SRPK1: variants seen among roughly 807,000 people sequenced by gnomAD.
SRPK1 encodes the protein SFRS protein kinase 1.
A neutral mutation model predicts 89.5 loss-of-function variants in SRPK1; 52 were observed. That is an observed-to-expected ratio of 0.58 (90% CI 0.46 to 0.73). SRPK1 has a LOEUF of 0.73. Ranked by LOEUF, SRPK1 falls within the 30% of genes least tolerant of loss-of-function variation. SRPK1 has a pLI of 0.00. For synonymous variants in SRPK1, 255 were observed against 270.2 expected (o/e 0.94, Z 0.55); for missense variants, 603 against 780.6 (o/e 0.77, Z 2.71).
At chr6:35,866,572 C>T (rs142048187) in intron 12 of SRPK1, among the ~76,000 whole-genome samples, 77 of 151,272 alleles carry the variant, frequency 5.1e-4, no homozygotes, top group African/African-American at 1.6e-3. Context: ...GGCAATAGAG[C>T]GAGACTCCAT....
At chr6:35,920,669 C>T in intron 1 of SRPK1, 141 bp from the exon 2 acceptor site, 1 of 432,816 alleles carries the variant, frequency 2.3e-6, no homozygotes, top group Admixed American at 6.3e-5. Flanking sequence ...AGGCGGCCGG[C>T]CGTGGGGCTG....
intron 2 of SRPK1, among the ~76,000 whole-genome samples, chr6:35,914,687 C>G (rs944039322): frequency 6.6e-6 from 1 of 152,094 alleles, no homozygotes; most frequent in Admixed American, 6.6e-5. Flanking sequence ...TAGTAGCCAA[C>G]GGGACAGGAA....
At chr6:35,862,281 C>A (rs1221618832) in intron 12 of SRPK1, among the ~76,000 whole-genome samples, 1 of 152,084 alleles carries the variant, frequency 6.6e-6, no homozygotes, top group African/African-American at 2.4e-5. Context: ...AACAGGAACA[C>A]TCAGCCCACT....
intron 2 of SRPK1, among the ~76,000 whole-genome samples, chr6:35,901,028 G>C (rs1345912130): frequency 6.6e-6 from 1 of 152,134 alleles, no homozygotes; most frequent in Non-Finnish European, 1.5e-5. Flanking sequence ...GAGAAAGAAG[G>C]AGAGACTAAA....
rs145535119 is a variant in SRPK1, at chr6:35,857,490, T to C, written c.1513-122A>G. Reference sequence around the variant, plus strand: ...TTTTCCCAAACCAAAGTTCTCACTTTGCTTATTTCTTAAACAGCATTTTTA... The same window carrying C: ...TTTTCCCAAACCAAAGTTCTCACTTCGCTTATTTCTTAAACAGCATTTTTA... On this transcript the variant is annotated intron_variant, in intron 12 of 15. Transcript: ENST00000373825. 49 of 754,728 alleles carry C rather than the reference T, an allele frequency of 6.5e-5. No homozygotes were observed. In the East Asian group the frequency reaches 1.2e-3, roughly 19 times the overall value. The allele number at this position is 754,728 out of a possible 1,614,324, so 46.8% of individuals were successfully genotyped here. A position where few individuals can be genotyped will look rare whatever the true frequency, so the allele number is the denominator to read the frequency against.
intron 2 of SRPK1, among the ~76,000 whole-genome samples, chr6:35,895,034 G>A (rs373736638): frequency 4.8e-4 from 73 of 152,026 alleles, no homozygotes; most frequent in Non-Finnish European, 2.6e-4. Context: ...GAGAGATTCC[G>A]GGGAAAAAAA....
chr6:35,916,323 G>C (rs1771102235), intron 2 of SRPK1, among the ~76,000 whole-genome samples: 2 of 151,782 alleles, frequency 1.3e-5, no homozygotes, highest in South Asian at 4.2e-4. Flanking sequence ...TCCTGACATG[G>C]AACTATTTCT....
Position 35,868,958 on chromosome 6 carries a change from T to G in SRPK1, c.1512+52A>C, listed in dbSNP as rs1769968064. On this transcript the variant is annotated intron_variant, in intron 12 of 15. Transcript: ENST00000373825. The stretch of plus-strand genomic sequence containing the variant: ...GTTTTGCATAACTAAGTCCAAATTC[T>G]CATTCATCCTCCCAGTCACTTCAAA... 2.1e-6 allele frequency: 3 copies of G among 1,438,672 alleles called. No homozygotes were observed. The African/African-American group carries it at 4.2e-5, about 20-fold the overall frequency. 89.1% of individuals were successfully genotyped at this position (1,438,672 alleles called of 1,614,324 possible). A position where few individuals can be genotyped will look rare whatever the true frequency, so the allele number is the denominator to read the frequency against.
chr6:35,914,142 A>C (rs1242054877), intron 2 of SRPK1, among the ~76,000 whole-genome samples: 1 of 151,656 alleles, frequency 6.6e-6, no homozygotes, highest in Non-Finnish European at 1.5e-5. Flanking sequence ...CGCCCGGCTA[A>C]TTTTTTGTAT....
intron 7 of SRPK1, among the ~76,000 whole-genome samples, chr6:35,873,874 T>C (rs941375422): frequency 6.6e-6 from 1 of 151,878 alleles, no homozygotes; most frequent in African/African-American, 2.4e-5. Context: ...TCGCCCAGGC[T>C]GGAGTGCAGT....
chr6:35,897,259 A>T (rs1770644710), intron 2 of SRPK1, among the ~76,000 whole-genome samples: 2 of 152,236 alleles, frequency 1.3e-5, no homozygotes. Flanking sequence ...ATAGTGCTTT[A>T]TTGAGAGGAA....
chr6:35,872,856 C>A (rs1480134234), intron 7 of SRPK1, 128 bp from the exon 8 acceptor site: 18 of 842,498 alleles, frequency 2.1e-5, no homozygotes, highest in Middle Eastern at 3.6e-4. Flanking sequence ...AATAAAAGCA[C>A]CTTTTAAAAA....
intron 13 of SRPK1, among the ~76,000 whole-genome samples, chr6:35,854,535 C>T (rs2151083367): frequency 1.5e-5 from 2 of 135,948 alleles, no homozygotes; most frequent in Admixed American, 1.5e-4. Context: ...TGTCTCATGT[C>T]AGGTAAGTAC....
At chr6:35,905,122 A>T (rs1388038461) in intron 2 of SRPK1, 1 of 193,618 alleles carries the variant, frequency 5.2e-6, no homozygotes, top group Non-Finnish European at 1.1e-5. Flanking sequence ...ACTCCAGCCT[A>T]GGTGACTGAG....
intron 4 of SRPK1, among the ~76,000 whole-genome samples, 168 bp downstream of exon 4, chr6:35,888,647 C>A (rs924235719): frequency 6.6e-6 from 1 of 152,126 alleles, no homozygotes; most frequent in Non-Finnish European, 1.5e-5. Flanking sequence ...TGATTCTTCA[C>A]GAAAGAAAAG....
At chr6:35,892,687 AACG>A (rs1001150106) in intron 2 of SRPK1, among the ~76,000 whole-genome samples, 12 of 126,592 alleles carry the variant, frequency 9.5e-5, no homozygotes, top group African/African-American at 3.0e-4. Flanking sequence ...CAACAACAAC[AACG>A]ACAACAACAC....
At chr6:35,904,968 T>TC in intron 2 of SRPK1, 1 of 445,642 alleles carries the variant, frequency 2.2e-6, no homozygotes, top group South Asian at 1.6e-5. Flanking sequence ...ACAGCAAGAC[T>TC]CCATCTCTAC....
chr6:35,853,952 C>T (rs1769613859), intron 13 of SRPK1, among the ~76,000 whole-genome samples: 1 of 151,152 alleles, frequency 6.6e-6, no homozygotes, highest in Non-Finnish European at 1.5e-5. Flanking sequence ...CCCTTTCCCC[C>T]TTTTTTTTGT....
At chr6:35,897,993 T>C (rs781172587) in intron 2 of SRPK1, among the ~76,000 whole-genome samples, 2 of 152,230 alleles carry the variant, frequency 1.3e-5, no homozygotes, top group African/African-American at 2.4e-5. Context: ...AAAAGGATCA[T>C]CTATGCAGGC....
Sources: allele counts gnomAD v4.1 joint callset (sites outside exome capture counted in the v4.1 genomes callset), GRCh38; gene constraint gnomAD v4.1.1; transcripts MANE v1.5; gene names NCBI Gene and HGNC (gene_info 2026-07-23, HGNC 2026-07-21).